Variants in GABRQ observed in about 807,000 individuals in gnomAD.
GABRQ encodes gamma-aminobutyric acid receptor subunit theta.
In GABRQ, 19 loss-of-function variants were observed where a neutral mutation model predicts 30.5. That is an observed-to-expected ratio of 0.62 (90% CI 0.43 to 0.91). The LOEUF is 0.91. GABRQ is among the 40% of genes least tolerant of loss of function. The pLI, the probability that GABRQ is intolerant of heterozygous loss-of-function variation, is 0.00. For missense variants in GABRQ, 520 were observed against 521.4 expected (o/e 1.00, Z 0.03); for synonymous variants, 187 against 210.2 (o/e 0.89, Z 0.95).
chrX:152,639,378 G>GCACACACACACACACACA (rs199710373), intron 1 of GABRQ, among the ~76,000 whole-genome samples: 94 of 103,362 alleles, frequency 9.1e-4, no homozygotes, highest in African/African-American at 3.2e-3. Context: ...ATGCGCGTGC[G>GCACACACACACACACACA]CACACACACA....
chrX:152,644,210 C>G lies in GABRQ; in HGVS notation c.239-1317C>G, dbSNP rs192323136. 3.4e-3 allele frequency among the ~76,000 whole-genome samples: 383 copies of G among 111,228 alleles called. 1 individual carries two copies. The highest frequency in any genetic ancestry group is 0.012 in the African/African-American group (358 of 30,528). ...ATAGGCCCACATACACAAACACACT[C>G]ACAAATTCACTCAAAAACGACACAT... is the stretch of plus-strand genomic sequence containing the variant. On this transcript the variant is annotated intron_variant, in intron 2 of 8. Coordinates refer to ENST00000598523, the MANE Select transcript of GABRQ (RefSeq NM_018558.4).
Position 152,651,647 on chromosome X carries a change from G to T in GABRQ, c.1023G>T (p.Leu341=). ...TCGTGTGCTTGTTCTTTGTGTTCCT[G>T]TCCTTGCTGGAGTATGTCTACATCA... ...YILVCLFFVF[L]SLLEYVYINY... is the part of the protein sequence containing the mutation. The change falls in exon 8 of 9, where the codon CTG becomes CTT. Residue 341 remains leucine (L), a synonymous_variant. Coordinates refer to ENST00000598523, the MANE Select transcript of GABRQ (RefSeq NM_018558.4). The T allele has an allele frequency of 8.3e-7, 1 of 1,211,123 alleles. No homozygotes were observed. Among genetic ancestry groups the T allele is most frequent in the Non-Finnish European group, 1.1e-6 (1 of 894,740 alleles).
intron 2 of GABRQ, 195 bp downstream of exon 2, chrX:152,640,661 C>T (rs1470452815): frequency 2.1e-6 from 1 of 479,209 alleles, no homozygotes; most frequent in Non-Finnish European, 3.8e-6. Flanking sequence ...TGTAATATCT[C>T]TCACTTCTCT....
chrX:152,640,580 T>C (rs1306652363), intron 2 of GABRQ, 114 bp downstream of exon 2: 4 of 556,932 alleles, frequency 7.2e-6, no homozygotes, highest in Non-Finnish European at 1.3e-5. Context: ...TCTACACCTG[T>C]GCCTCTCCAG....
At position 152,653,039 on chromosome X, in the gene GABRQ, G is replaced by C; in HGVS notation, c.1657G>C (p.Asp553His). The C allele has an allele frequency of 8.3e-7, 1 of 1,210,817 alleles. No homozygotes were observed. The highest frequency in any genetic ancestry group is 2.2e-5 in the Admixed American group (1 of 46,100). Residue 553 changes from aspartate to histidine, a missense_variant, in exon 9 of 9, where the codon GAT (aspartate) becomes CAT (histidine). Asp to His is a moderately conservative substitution (Grantham distance 81). Transcript: ENST00000598523. The part of the protein sequence containing the change: ...CLAIKEQFKC[D>H]TNSTWGLNDD... ...TGCCATTAAGGAGCAATTCAAGTGT[G>C]ATACTAACAGTACCTGGGGCCTTAA...
chrX:152,638,334 C>T lies in GABRQ; in HGVS notation c.132C>T (p.Val44=). ...FEFSSAVPEV[V]LNLFNCKNCA... The stretch of plus-strand genomic sequence containing the variant: ...TCTCCTCTGCTGTGCCCGAAGTCGT[C>T]CTGAACCTCTTCAACTGGTAAGCGG... The change falls in exon 1 of 9, where the codon GTC becomes GTT. Residue 44 remains valine (V), a synonymous_variant. Transcript: ENST00000598523. 8.3e-7 allele frequency: 1 copy of T among 1,211,541 alleles called. No individual in the cohort carries two copies. The highest frequency in any genetic ancestry group is 1.1e-6 in the Non-Finnish European group (1 of 894,916).
In GABRQ at chrX:152,645,579, C is replaced by T. The variant is rs782032322; in HGVS notation, c.291C>T (p.Ile97=). The change falls in exon 3 of 9, where the codon ATC becomes ATT. Residue 97 remains isoleucine, a synonymous_variant. Transcript: ENST00000598523. ...ISIYVTSIEQ[I]SEMNMDYTIT... ...TTTATGTCACGAGCATTGAACAGAT[C>T]TCAGAAATGAATATGGTAAGTGTGT... is the stretch of plus-strand genomic sequence containing the variant. The T allele has an allele frequency of 2.3e-5, 25 of 1,110,618 alleles. No homozygotes were observed. Among genetic ancestry groups the T allele is most frequent in the Non-Finnish European group, 3.0e-5 (24 of 804,903 alleles). The allele number at this position is 1,110,618 out of a possible 1,213,427, so 91.5% of individuals were successfully genotyped here.
In GABRQ at chrX:152,645,079, C is replaced by T. The variant is rs181630802; in HGVS notation, c.239-448C>T. Among the ~76,000 whole-genome samples the T allele has an allele frequency of 9.6e-3, 1,074 of 111,462 alleles. 37 individuals are homozygous for T. The highest frequency in any genetic ancestry group is 0.091 in the Admixed American group (958 of 10,496). On this transcript the variant is annotated intron_variant, in intron 2 of 8. Coordinates refer to ENST00000598523, the MANE Select transcript of GABRQ (RefSeq NM_018558.4). ...ATTCACTCACATGCATGAACATGCTCACATACACTCATATACACAGCTCAC... is the reference window on the plus strand; with the variant it reads ...ATTCACTCACATGCATGAACATGCTTACATACACTCATATACACAGCTCAC...
intron 5 of GABRQ, 33 bp downstream of exon 5, chrX:152,649,366 A>G (rs375577273): frequency 3.4e-5 from 29 of 857,947 alleles, no homozygotes; most frequent in Non-Finnish European, 4.9e-5. Flanking sequence ...CTTCTTCCGT[A>G]CTTGGGGCTG....
chrX:152,638,564 C>G (rs1343039425), intron 1 of GABRQ, among the ~76,000 whole-genome samples: 1 of 111,981 alleles, frequency 8.9e-6, no homozygotes, highest in African/African-American at 3.2e-5. Flanking sequence ...TGTGCTTCCG[C>G]CCACCTGTTA....
At chrX:152,649,553 CAGAT>C (rs781983031) in intron 5 of GABRQ, among the ~76,000 whole-genome samples, 185 bp from the exon 6 acceptor site, 1 of 112,173 alleles carries the variant, frequency 8.9e-6, no homozygotes, top group East Asian at 2.8e-4. Context: ...AATTTATTGA[CAGAT>C]AGATGTATAA....
Position 152,652,700 on chromosome X carries a change from G to A in GABRQ, c.1318G>A (p.Gly440Ser). 1 of 1,211,593 alleles carries A rather than the reference G, an allele frequency of 8.3e-7. No homozygotes were observed. Among genetic ancestry groups the A allele is most frequent in the Non-Finnish European group, 1.1e-6 (1 of 895,140 alleles). Residue 440 changes from glycine (G) to serine (S), a missense_variant, in exon 9 of 9, where the codon GGC (glycine) becomes AGC (serine). Coordinates refer to ENST00000598523, the MANE Select transcript of GABRQ (RefSeq NM_018558.4). ...ESLSPLTSLSGQAPLATGESL... is the reference protein window; with the variant it reads ...ESLSPLTSLSSQAPLATGESL... ...CCTCAGCCCACTCACTTCTCTCTCA[G>A]GCCAGGCCCCCCTGGCCACTGGAGA...
At chrX:152,647,281 T>A in intron 4 of GABRQ, 113 bp downstream of exon 4, 3 of 527,927 alleles carry the variant, frequency 5.7e-6, no homozygotes, top group Non-Finnish European at 9.5e-6. Context: ...TCCAAACCCG[T>A]CTTGAACTTC....
rs1930868405 is a variant in GABRQ at position 152,645,559 on chromosome X, G to A, written c.271G>A (p.Val91Ile). Reference sequence around the variant, plus strand: ...TGTGCCTGTGAGAATATCTATTTATGTCACGAGCATTGAACAGATCTCAGA... The same window carrying A: ...TGTGCCTGTGAGAATATCTATTTATATCACGAGCATTGAACAGATCTCAGA... ...APVPVRISIY[V>I]TSIEQISEMN... The change falls in exon 3 of 9, where the codon GTC (valine) becomes ATC (isoleucine). Residue 91 changes from valine to isoleucine, a missense_variant. Transcript: ENST00000598523. The A allele has an allele frequency of 1.7e-6, 2 of 1,149,315 alleles. No homozygotes were observed. Among genetic ancestry groups the A allele is most frequent in the Admixed American group, 2.2e-5 (1 of 45,914 alleles). 94.7% of individuals were successfully genotyped at this position (1,149,315 alleles called of 1,213,427 possible).
chrX:152,653,174 C>G lies in GABRQ; in HGVS notation c.1792C>G (p.Leu598Val). The G allele has an allele frequency of 8.3e-7, 1 of 1,209,735 alleles. No individual in the cohort carries two copies. Among genetic ancestry groups the G allele is most frequent in the Admixed American group, 2.2e-5 (1 of 46,075 alleles). Residue 598 changes from leucine to valine, a missense_variant, in exon 9 of 9, where the codon CTC becomes GTC. Coordinates refer to ENST00000598523, the MANE Select transcript of GABRQ (RefSeq NM_018558.4). ...CTTCACTGAAGGGTTCTCCTTCGAT[C>G]TCTTTAATCCTGACTACGTCCCAAA... Reference protein sequence around the residue: ...CSFTEGFSFDLFNPDYVPKVD... With the variant: ...CSFTEGFSFDVFNPDYVPKVD...
chrX:152,639,187 T>G (rs1367718850), intron 1 of GABRQ, among the ~76,000 whole-genome samples: 2 of 108,300 alleles, frequency 1.8e-5, no homozygotes, highest in African/African-American at 3.4e-5. Context: ...CATTTTGGGA[T>G]GCTGCAAAAT....
At position 152,656,233 on chromosome X, in the gene GABRQ, G is replaced by A. The variant is rs1259016919; in HGVS notation, c.*2952G>A. The A allele has an allele frequency of 9.3e-6, 1 of 108,042 alleles. No homozygotes were observed. Among genetic ancestry groups the A allele is most frequent in the Non-Finnish European group, 1.9e-5 (1 of 52,289 alleles). The allele number at this position is 108,042 out of a possible 1,213,427, so 8.9% of individuals were successfully genotyped here. ...CCAACCCCTTCCCAGCCCCTCCCCA[G>A]CCTGCAGTCACCCCCTGTCCAGCAA... On this transcript the variant is annotated 3_prime_UTR_variant, in exon 9 of 9. Coordinates refer to ENST00000598523, the MANE Select transcript of GABRQ (RefSeq NM_018558.4).
intron 7 of GABRQ, 33 bp downstream of exon 7, chrX:152,650,613 G>C (rs782546077): frequency 4.4e-6 from 5 of 1,135,393 alleles, no homozygotes; most frequent in African/African-American, 1.8e-5. Context: ...GAAAGAATTT[G>C]GGTCATTTGG....
At chrX:152,646,107 A>G (rs1324814258) in intron 3 of GABRQ, among the ~76,000 whole-genome samples, 2 of 112,914 alleles carry the variant, frequency 1.8e-5, no homozygotes, top group African/African-American at 6.4e-5. Flanking sequence ...TTTGAAACCG[A>G]TAGAAAAATT....
Sources: gnomAD v4.1 joint callset for allele counts (sites outside exome capture counted in the v4.1 genomes callset) on GRCh38, gnomAD v4.1.1 for gene constraint, MANE v1.5 for transcripts, NCBI Gene and HGNC (gene_info 2026-07-23, HGNC 2026-07-21) for gene names.